MTBP: variants seen among roughly 807,000 people sequenced by gnomAD.
MTBP encodes mdm2-binding protein.
In MTBP, 101 loss-of-function variants were observed where a neutral mutation model predicts 117.0. That is an observed-to-expected ratio of 0.86 (90% CI 0.73 to 1.02). MTBP has a LOEUF of 1.02. MTBP is among the 50% of genes least tolerant of loss of function. The pLI, the probability that MTBP is intolerant of heterozygous loss-of-function variation, is 0.00. For missense variants in MTBP, 970 were observed against 1,030.9 expected, an observed-to-expected ratio of 0.94 and a Z score of 0.81; for synonymous variants, 350 against 351.5, an observed-to-expected ratio of 1.00 and a Z score of 0.05.
chr8:120,447,456 G>A (rs551717650), intron 2 of MTBP, among the ~76,000 whole-genome samples: 1 of 151,884 alleles, frequency 6.6e-6, no homozygotes, highest in Non-Finnish European at 1.5e-5. Context: ...TACCTCAAAT[G>A]TATATGTAAA....
intron 13 of MTBP, 152 bp from the exon 14 acceptor site, chr8:120,497,241 A>C: frequency 1.6e-6 from 1 of 631,162 alleles, no homozygotes. Context: ...AAATAGGATT[A>C]AAGTGAAAGA....
At chr8:120,518,309 A>G (rs1219262114) in intron 19 of MTBP, among the ~76,000 whole-genome samples, 1 of 152,050 alleles carries the variant, frequency 6.6e-6, no homozygotes, top group African/African-American at 2.4e-5. Flanking sequence ...TGGTTAAAAG[A>G]TATATCAAGA....
intron 12 of MTBP, among the ~76,000 whole-genome samples, chr8:120,488,974 T>C (rs1814279862): frequency 6.6e-6 from 1 of 152,004 alleles, no homozygotes; most frequent in Non-Finnish European, 1.5e-5. Context: ...TGATTTTCTC[T>C]TCACAGGCGC....
At chr8:120,516,330 G>A in intron 18 of MTBP, 139 bp downstream of exon 18, 1 of 774,418 alleles carries the variant, frequency 1.3e-6, no homozygotes, top group East Asian at 2.8e-5. Context: ...TGATAATTTT[G>A]CTTATAAGTT....
chr8:120,486,932 C>T (rs1043664933), intron 11 of MTBP, among the ~76,000 whole-genome samples: 4 of 152,246 alleles, frequency 2.6e-5, no homozygotes, highest in African/African-American at 4.8e-5. Context: ...ATCATTTCAC[C>T]GGTTGTGCTT....
chr8:120,490,091 A>T (rs1814312666), intron 12 of MTBP, among the ~76,000 whole-genome samples: 1 of 152,182 alleles, frequency 6.6e-6, no homozygotes, highest in African/African-American at 2.4e-5. Flanking sequence ...GGACTGCACA[A>T]AAAGGAATAA....
At chr8:120,506,168 T>C (rs1380304087) in intron 15 of MTBP, among the ~76,000 whole-genome samples, 3 of 152,194 alleles carry the variant, frequency 2.0e-5, no homozygotes, top group Non-Finnish European at 4.4e-5. Flanking sequence ...TATATAATAA[T>C]GATTCAGTGC....
chr8:120,458,381 T>G (rs1291477685), intron 7 of MTBP, among the ~76,000 whole-genome samples: 1 of 152,190 alleles, frequency 6.6e-6, no homozygotes, highest in Non-Finnish European at 1.5e-5. Context: ...ATTAAATTAT[T>G]TAAAGCACAG....
intron 16 of MTBP, 100 bp from the exon 17 acceptor site, chr8:120,509,834 G>A (rs1170588341): frequency 1.3e-6 from 1 of 740,906 alleles, no homozygotes; most frequent in Non-Finnish European, 2.2e-6. Context: ...AATTCCAATT[G>A]TAGAGGAAAA....
intron 11 of MTBP, among the ~76,000 whole-genome samples, chr8:120,479,170 A>G (rs562512777): frequency 6.6e-5 from 10 of 152,360 alleles, no homozygotes; most frequent in South Asian, 4.1e-4. Flanking sequence ...GTTGTGTACT[A>G]TGTTCACTGT....
At chr8:120,453,977 G>A (rs1813416595) in intron 5 of MTBP, 72 bp downstream of exon 5, 1 of 897,676 alleles carries the variant, frequency 1.1e-6, no homozygotes, top group Non-Finnish European at 1.7e-6. Context: ...TGATAAATTT[G>A]TTCTTTATGT....
chr8:120,453,985 T>A (rs1813416697), intron 5 of MTBP, 80 bp downstream of exon 5: 1 of 833,606 alleles, frequency 1.2e-6, no homozygotes, highest in African/African-American at 1.8e-5. Flanking sequence ...TTGTTCTTTA[T>A]GTTAGTGTTC....
intron 20 of MTBP, among the ~76,000 whole-genome samples, chr8:120,520,091 A>G (rs1212241273): frequency 6.6e-6 from 1 of 152,152 alleles, no homozygotes; most frequent in Non-Finnish European, 1.5e-5. Context: ...ATATGACTAG[A>G]CAGCCATGGA....
chr8:120,505,885 G>A (rs1326180946), intron 15 of MTBP, among the ~76,000 whole-genome samples: 1 of 152,026 alleles, frequency 6.6e-6, no homozygotes, highest in African/African-American at 2.4e-5. Context: ...AACTAATTTG[G>A]AGTTAGTCTG....
intron 20 of MTBP, among the ~76,000 whole-genome samples, chr8:120,519,240 T>C (rs1460472880): frequency 6.6e-6 from 1 of 150,868 alleles, no homozygotes; most frequent in Admixed American, 6.6e-5. Context: ...TTTTAAAAAG[T>C]ATATGGGAAA....
rs375715830 is a variant in MTBP at position 120,453,832 on chromosome 8, A to G, written c.426-15A>G. 1.2e-4 allele frequency: 181 copies of G among 1,468,660 alleles called. No homozygotes were observed. Among genetic ancestry groups the G allele is most frequent in the African/African-American group, 7.0e-4 (50 of 70,958 alleles). 91.0% of individuals were successfully genotyped at this position (1,468,660 alleles called of 1,614,324 possible). On this transcript the variant is annotated splice_polypyrimidine_tract_variant and intron_variant, in intron 4 of 21. Coordinates refer to ENST00000305949, the MANE Select transcript of MTBP (RefSeq NM_022045.5). ...TTATGGGGTTTTCTTTCCCTAACTT[A>G]CCCTTTTATTTTAGTCTCTATGAAG...
intron 11 of MTBP, chr8:120,473,562 GA>G (rs1035975484): frequency 1.3e-5 from 2 of 152,108 alleles, no homozygotes; most frequent in African/African-American, 4.8e-5. Context: ...CCAACACTGT[GA>G]AGGCAAAATG....
At chr8:120,494,348 G>A (rs1420781580) in intron 13 of MTBP, among the ~76,000 whole-genome samples, 2 of 152,196 alleles carry the variant, frequency 1.3e-5, no homozygotes, top group African/African-American at 4.8e-5. Flanking sequence ...GGAAGAAAAT[G>A]TTACTAGTCT....
At chr8:120,446,351 A>T in intron 1 of MTBP, 82 bp from the exon 2 acceptor site, 1 of 825,316 alleles carries the variant, frequency 1.2e-6, no homozygotes. Context: ...ACTGGTCTTG[A>T]GAGTCTCTGA....
Sources: gnomAD v4.1 joint callset for allele counts (sites outside exome capture counted in the v4.1 genomes callset) on GRCh38, gnomAD v4.1.1 for gene constraint, MANE v1.5 for transcripts, NCBI Gene and HGNC (gene_info 2026-07-23, HGNC 2026-07-21) for gene names.